SOX6: variants seen among roughly 807,000 people sequenced by gnomAD.
SOX6 encodes the protein SRY-box transcription factor 6, also known as transcription factor SOX-6.
SOX6 carries 11 observed loss-of-function variants against 97.8 expected under a neutral mutation model. The ratio of observed to expected loss-of-function variants is 0.11; its 90% CI spans 0.07 to 0.19. SOX6 has a LOEUF of 0.19. Among genes scored for constraint, SOX6 ranks in the 10% least tolerant of loss-of-function variants. The pLI is 1.00. For synonymous variants in SOX6, 360 were observed against 371.4 expected (o/e 0.97, Z 0.35); for missense variants, 810 against 1,039.5 (o/e 0.78, Z 3.04).
At chr11:16,021,755 A>T (rs1475747657) in intron 12 of SOX6, among the ~76,000 whole-genome samples, 1 of 152,106 alleles carries the variant, frequency 6.6e-6, no homozygotes, top group Non-Finnish European at 1.5e-5. Flanking sequence ...TTAGTTACGG[A>T]CTAACTGCTG....
intron 7 of SOX6, among the ~76,000 whole-genome samples, chr11:16,102,018 A>G (rs954237218): frequency 2.0e-5 from 3 of 151,924 alleles, no homozygotes; most frequent in African/African-American, 7.2e-5. Flanking sequence ...TAGTACTGGA[A>G]GTCCTAGCAA....
intron 6 of SOX6, among the ~76,000 whole-genome samples, chr11:16,163,167 A>T (rs1241711064): frequency 6.6e-6 from 1 of 152,200 alleles, no homozygotes. Flanking sequence ...TACAGAGAAC[A>T]TTACATGTTG....
At chr11:16,620,172 T>C (rs1207261994) in intron 3 of SOX6, among the ~76,000 whole-genome samples, 2 of 152,198 alleles carry the variant, frequency 1.3e-5, no homozygotes, top group African/African-American at 2.4e-5. Context: ...AGGAGAAATT[T>C]GTAAAACTAC....
At chr11:16,329,080 T>C (rs1590129810) in intron 2 of SOX6, among the ~76,000 whole-genome samples, 1 of 152,176 alleles carries the variant, frequency 6.6e-6, no homozygotes, top group African/African-American at 2.4e-5. Context: ...ATATGCCACT[T>C]ATCACTATTA....
At chr11:16,538,709 A>T (rs1861352548) in intron 4 of SOX6, among the ~76,000 whole-genome samples, 2 of 152,254 alleles carry the variant, frequency 1.3e-5, no homozygotes, top group African/African-American at 4.8e-5. Flanking sequence ...AAACCAACAA[A>T]GATCAAAAGA....
At chr11:16,404,260 T>C (rs1368344583) in intron 1 of SOX6, among the ~76,000 whole-genome samples, 1 of 151,918 alleles carries the variant, frequency 6.6e-6, no homozygotes, top group East Asian at 1.9e-4. Context: ...TGTGCTTTGC[T>C]TCATTTATCT....
rs564498407 is a variant in SOX6, at chr11:16,005,043, T to C, written c.1732+9899A>G. 2.0e-5 allele frequency among the ~76,000 whole-genome samples: 3 copies of C among 152,090 alleles called. No homozygotes were observed. The South Asian group carries it at 6.2e-4, about 31-fold the overall frequency. On this transcript the variant is annotated intron_variant, in intron 13 of 15. Transcript: ENST00000683767. ...TTTTAGAAATAGGTAGCAGTAATAA[T>C]GGCAACAGAAGTAGTAGAATGCTTA...
At chr11:16,603,143 T>C (rs1263730291) in intron 4 of SOX6, among the ~76,000 whole-genome samples, 4 of 152,198 alleles carry the variant, frequency 2.6e-5, no homozygotes, top group Admixed American at 6.5e-5. Flanking sequence ...GTATCAGACA[T>C]ATCTGAGTGG....
intron 3 of SOX6, among the ~76,000 whole-genome samples, chr11:16,273,059 A>G (rs1440115533): frequency 1.3e-5 from 2 of 151,960 alleles, no homozygotes; most frequent in Admixed American, 6.6e-5. Context: ...ATTTCTGATT[A>G]TGAAGGCAAA....
chr11:16,081,286 G>C (rs1244045570), intron 9 of SOX6, among the ~76,000 whole-genome samples: 1 of 151,970 alleles, frequency 6.6e-6, no homozygotes, highest in Non-Finnish European at 1.5e-5. Context: ...GTGTGGTGTT[G>C]AGAGTCTTAA....
At chr11:16,631,891 G>A (rs550565019) in intron 3 of SOX6, among the ~76,000 whole-genome samples, 1 of 152,144 alleles carries the variant, frequency 6.6e-6, no homozygotes, top group East Asian at 1.9e-4. Context: ...GATTTCAATT[G>A]TATTTCAAAA....
intron 4 of SOX6, among the ~76,000 whole-genome samples, chr11:16,500,677 A>C (rs151300664): frequency 0.02 from 3,011 of 152,290 alleles, 78 homozygotes; most frequent in African/African-American, 0.06. Context: ...AAACAAACAG[A>C]GAGCCAAACC....
intron 1 of SOX6, among the ~76,000 whole-genome samples, chr11:16,344,736 A>G (rs1856730405): frequency 1.3e-5 from 2 of 151,994 alleles, no homozygotes; most frequent in Admixed American, 6.6e-5. Context: ...CCTTGTGGAA[A>G]TGGTCAATTT....
intron 1 of SOX6, among the ~76,000 whole-genome samples, chr11:16,366,957 A>G (rs914839133): frequency 6.6e-6 from 1 of 152,000 alleles, no homozygotes; most frequent in African/African-American, 2.4e-5. Context: ...AGATAACTAC[A>G]CCCCCTAAAT....
chr11:16,044,067 T>G (rs1015644761), intron 12 of SOX6, among the ~76,000 whole-genome samples: 1 of 152,106 alleles, frequency 6.6e-6, no homozygotes, highest in Non-Finnish European at 1.5e-5. Flanking sequence ...AATTAAAACT[T>G]GTTTATTTTT....
At position 16,169,243 on chromosome 11, in the gene SOX6, G is replaced by A. The variant is rs1850968063; in HGVS notation, c.777+14643C>T. Among the ~76,000 whole-genome samples, 9 of 151,976 alleles carry A rather than the reference G, an allele frequency of 5.9e-5. No individual in the cohort carries two copies. The South Asian group carries it at 1.9e-3, about 31-fold the overall frequency. ...ATAATTCAAATAACTGGTACATCCT[G>A]CTTTAAAACCATACAAAATAGATGA... On this transcript the variant is annotated intron_variant, in intron 6 of 15. Coordinates refer to ENST00000683767, the MANE Select transcript of SOX6 (RefSeq NM_001367873.1).
At position 16,070,376 on chromosome 11, in the gene SOX6, T is replaced by C. The variant is rs1004799086; in HGVS notation, c.1102-14475A>G. ...AGGTCCTACCCTTACACTAAGAAAC[T>C]TAAAAAAAATCTGAATCCATCAGAT... On this transcript the variant is annotated intron_variant, in intron 9 of 15. Coordinates refer to ENST00000683767, the MANE Select transcript of SOX6 (RefSeq NM_001367873.1). Among the ~76,000 whole-genome samples, 4 of 151,798 alleles carry C rather than the reference T, an allele frequency of 2.6e-5. No homozygotes were observed. In the South Asian group the frequency reaches 8.3e-4, roughly 32 times the overall value.
chr11:16,341,784 T>C (rs1489855747), intron 1 of SOX6, among the ~76,000 whole-genome samples: 1 of 152,026 alleles, frequency 6.6e-6, no homozygotes, highest in East Asian at 1.9e-4. Flanking sequence ...ACAAATCTGA[T>C]CCTGACTTCT....
intron 3 of SOX6, among the ~76,000 whole-genome samples, chr11:16,666,855 T>C (rs573143067): frequency 6.6e-5 from 10 of 151,886 alleles, no homozygotes; most frequent in Non-Finnish European, 1.5e-5. Flanking sequence ...AGCATGCCTA[T>C]GAGATCTAGA....
Sources: allele counts gnomAD v4.1 joint callset (sites outside exome capture counted in the v4.1 genomes callset), GRCh38; gene constraint gnomAD v4.1.1; transcripts MANE v1.5; gene names NCBI Gene and HGNC (gene_info 2026-07-23, HGNC 2026-07-21).